The following RAB2A variants were observed in gnomAD, a reference collection of about 807,000 sequenced individuals.
RAB2A encodes RAB2A, member RAS oncogene family.
Under a neutral mutation model 32.5 loss-of-function variants are expected in RAB2A, and 7 were observed. The ratio of observed to expected loss-of-function variants is 0.22; its 90% confidence interval spans 0.12 to 0.40. The LOEUF is 0.40. RAB2A is among the 10% of genes least tolerant of loss of function. The probability of loss-of-function intolerance (pLI) is 1.00; values close to 1 mark genes in which losing one functional copy is unlikely to be tolerated. For missense variants in RAB2A, 108 were observed against 260.7 expected (o/e 0.41, Z 4.03); for synonymous variants, 79 against 85.2 (o/e 0.93, Z 0.40).
Position 60,517,056 on chromosome 8 carries a change from C to T in RAB2A, c.-152C>T. On this transcript the variant is annotated 5_prime_UTR_variant, in exon 1 of 8. Transcript: ENST00000262646. Reference sequence around the variant, plus strand: ...CGGGTGTCAGTTCGTCCGGCTTCCTCACAGCCCCTCACTCCCGGCGGCTGA... The same window carrying T: ...CGGGTGTCAGTTCGTCCGGCTTCCTTACAGCCCCTCACTCCCGGCGGCTGA... 1.4e-6 allele frequency: 1 copy of T among 699,772 alleles called. No individual in the cohort carries two copies. The highest frequency in any genetic ancestry group is 2.2e-6 in the Non-Finnish European group (1 of 456,818). 43.3% of individuals were successfully genotyped at this position (699,772 alleles called of 1,614,324 possible).
At chr8:60,531,153 G>C (rs556563749) in intron 1 of RAB2A, among the ~76,000 whole-genome samples, 5 of 152,172 alleles carry the variant, frequency 3.3e-5, no homozygotes, top group Non-Finnish European at 7.3e-5. Context: ...ATCAGTGTCA[G>C]TGGTGTATTC....
chr8:60,545,425 T>C (rs1043017947), intron 1 of RAB2A, among the ~76,000 whole-genome samples: 6 of 152,018 alleles, frequency 3.9e-5, no homozygotes, highest in Admixed American at 1.3e-4. Flanking sequence ...TCCAAGTAGC[T>C]GAGACTACTG....
intron 6 of RAB2A, 197 bp downstream of exon 6, chr8:60,592,166 CTGAA>C (rs1249969811): frequency 2.7e-6 from 1 of 372,250 alleles, no homozygotes; most frequent in Non-Finnish European, 5.0e-6. Flanking sequence ...CTTCTAAAGC[CTGAA>C]TGTTTTCTTA....
chr8:60,571,104 T>C (rs1034436415), intron 2 of RAB2A, among the ~76,000 whole-genome samples: 1 of 152,178 alleles, frequency 6.6e-6, no homozygotes, highest in South Asian at 2.1e-4. Flanking sequence ...ATTTTTCTAC[T>C]CCTATTTTGA....
At chr8:60,607,733 AG>A (rs1328092387) in intron 6 of RAB2A, among the ~76,000 whole-genome samples, 6 of 152,224 alleles carry the variant, frequency 3.9e-5, no homozygotes, top group African/African-American at 1.4e-4. Context: ...CTGCTGATCC[AG>A]GGGTCACACT....
intron 7 of RAB2A, among the ~76,000 whole-genome samples, chr8:60,620,426 T>G (rs543900341): frequency 6.6e-6 from 1 of 152,378 alleles, no homozygotes; most frequent in Non-Finnish European, 1.5e-5. Context: ...AAAAGCAGCA[T>G]TATCCAATAA....
rs1218013105 is a variant in RAB2A, at chr8:60,545,078, G to A, written c.47-13774G>A. On this transcript the variant is annotated intron_variant, in intron 1 of 7. Coordinates refer to ENST00000262646, the MANE Select transcript of RAB2A (RefSeq NM_002865.3). ...CACATATTTTAAATTAAAGCTGTTTGGCTTGTGGTTGTAAAAATAGAATCA... is the reference window on the plus strand; with the variant it reads ...CACATATTTTAAATTAAAGCTGTTTAGCTTGTGGTTGTAAAAATAGAATCA... 2.0e-5 allele frequency among the ~76,000 whole-genome samples: 3 copies of A among 152,110 alleles called. No individual in the cohort carries two copies. In the East Asian group the frequency reaches 5.8e-4, roughly 29 times the overall value.
At chr8:60,522,551 T>C (rs1188426460) in intron 1 of RAB2A, among the ~76,000 whole-genome samples, 1 of 152,098 alleles carries the variant, frequency 6.6e-6, no homozygotes, top group African/African-American at 2.4e-5. Flanking sequence ...ATATCACACA[T>C]AGTATTGGTG....
intron 3 of RAB2A, among the ~76,000 whole-genome samples, chr8:60,583,739 C>T (rs1418734996): frequency 6.6e-6 from 1 of 152,168 alleles, no homozygotes; most frequent in East Asian, 1.9e-4. Flanking sequence ...GTAAAGATGT[C>T]ATTCATCATT....
At chr8:60,602,143 G>T (rs569986321) in intron 6 of RAB2A, among the ~76,000 whole-genome samples, 4 of 152,072 alleles carry the variant, frequency 2.6e-5, no homozygotes, top group South Asian at 2.1e-4. Flanking sequence ...CTCCCAACGT[G>T]CTGGGATTAC....
At chr8:60,596,437 T>C (rs1376938507) in intron 6 of RAB2A, among the ~76,000 whole-genome samples, 1 of 152,040 alleles carries the variant, frequency 6.6e-6, no homozygotes, top group Non-Finnish European at 1.5e-5. Context: ...TACAAAGAAC[T>C]TAAACAAATT....
chr8:60,579,377 T>C (rs1183937640), intron 3 of RAB2A, among the ~76,000 whole-genome samples: 3 of 152,184 alleles, frequency 2.0e-5, no homozygotes, highest in Admixed American at 2.0e-4. Context: ...CCAACAGTTA[T>C]ATTGTGAGCC....
chr8:60,606,745 T>C lies in RAB2A; in HGVS notation c.475-11835T>C, dbSNP rs143351410. The stretch of plus-strand genomic sequence containing the variant: ...AAAGTCGACAAATTTTTCTAACAGT[T>C]GCCCAAGCTATACCTGGGCCTTTTT... On this transcript the variant is annotated intron_variant, in intron 6 of 7. Coordinates refer to ENST00000262646, the MANE Select transcript of RAB2A (RefSeq NM_002865.3). Among the ~76,000 whole-genome samples the C allele has an allele frequency of 3.7e-3, 561 of 152,380 alleles. 5 individuals carry two copies. Among genetic ancestry groups the C allele is most frequent in the African/African-American group, 0.013 (540 of 41,596 alleles).
chr8:60,607,045 GA>G (rs1293031775), intron 6 of RAB2A, among the ~76,000 whole-genome samples: 1 of 151,488 alleles, frequency 6.6e-6, no homozygotes, highest in Non-Finnish European at 1.5e-5. Context: ...TGGGTGCATG[GA>G]GACTGCTTTT....
At chr8:60,535,332 A>T (rs965273975) in intron 1 of RAB2A, among the ~76,000 whole-genome samples, 1 of 152,234 alleles carries the variant, frequency 6.6e-6, no homozygotes, top group African/African-American at 2.4e-5. Context: ...CACTTTACAT[A>T]TGTAAGCAAG....
chr8:60,602,752 G>A (rs1804154870), intron 6 of RAB2A, among the ~76,000 whole-genome samples: 2 of 152,174 alleles, frequency 1.3e-5, no homozygotes, highest in African/African-American at 4.8e-5. Context: ...GTTGACCCTT[G>A]GACTTAGAAA....
intron 1 of RAB2A, among the ~76,000 whole-genome samples, chr8:60,557,447 C>T (rs1479849013): frequency 6.6e-6 from 1 of 152,042 alleles, no homozygotes; most frequent in Non-Finnish European, 1.5e-5. Flanking sequence ...ACCTGGGAGA[C>T]GGAGTTTGCA....
chr8:60,517,265 G>T lies in RAB2A; in HGVS notation c.46+12G>T. Reference sequence around the variant, plus strand: ...AATCGGCGACACAGGTGAGGGCCCCGGGCGCGGCCGGGCGGGTGTCGGCGG... The same window carrying T: ...AATCGGCGACACAGGTGAGGGCCCCTGGCGCGGCCGGGCGGGTGTCGGCGG... On this transcript the variant is annotated intron_variant, in intron 1 of 7. Coordinates refer to ENST00000262646, the MANE Select transcript of RAB2A (RefSeq NM_002865.3). The T allele has an allele frequency of 6.7e-7, 1 of 1,482,112 alleles. No homozygotes were observed. Among genetic ancestry groups the T allele is most frequent in the Non-Finnish European group, 9.0e-7 (1 of 1,115,024 alleles). 91.8% of individuals were successfully genotyped at this position (1,482,112 alleles called of 1,614,324 possible).
intron 1 of RAB2A, among the ~76,000 whole-genome samples, chr8:60,518,846 TGTA>T (rs1452016590): frequency 6.6e-6 from 1 of 152,180 alleles, no homozygotes; most frequent in Non-Finnish European, 1.5e-5. Flanking sequence ...CCACATTAAC[TGTA>T]ATATGAGTGG....
Sources: allele counts gnomAD v4.1 joint callset (sites outside exome capture counted in the v4.1 genomes callset), GRCh38; gene constraint gnomAD v4.1.1; transcripts MANE v1.5; gene names NCBI Gene and HGNC (gene_info 2026-07-23, HGNC 2026-07-21).